The following EPHB1 variants were observed in gnomAD, a reference collection of about 807,000 sequenced individuals.
EPHB1 encodes EPH receptor B1.
A neutral mutation model predicts 94.4 loss-of-function variants in EPHB1; 30 were observed. That is an observed-to-expected ratio of 0.32 (90% confidence interval 0.24 to 0.43). The LOEUF (loss-of-function observed/expected upper bound fraction) is 0.43. EPHB1 is among the 20% of genes least tolerant of loss of function. EPHB1 has a pLI of 1.00. For synonymous variants in EPHB1, 522 were observed against 489.1 expected, an observed-to-expected ratio of 1.07 and a Z score of -0.89; for missense variants, 1,055 against 1,308.3, an observed-to-expected ratio of 0.81 and a Z score of 2.99.
intron 3 of EPHB1, among the ~76,000 whole-genome samples, chr3:135,090,727 G>C (rs1054312673): frequency 5.3e-5 from 8 of 152,228 alleles, no homozygotes; most frequent in African/African-American, 1.9e-4. Context: ...CAAGGACAGG[G>C]CAGTGTAGGG....
chr3:135,177,891 C>G (rs1352105728), intron 9 of EPHB1, among the ~76,000 whole-genome samples: 1 of 152,156 alleles, frequency 6.6e-6, no homozygotes, highest in Non-Finnish European at 1.5e-5. Context: ...TTCTCTTTGT[C>G]CACTGTTATT....
intron 3 of EPHB1, among the ~76,000 whole-genome samples, chr3:134,984,330 T>C (rs907906807): frequency 3.3e-5 from 5 of 152,048 alleles, no homozygotes; most frequent in African/African-American, 4.8e-5. Flanking sequence ...CCACCACCCA[T>C]GTGAACAGTG....
intron 15 of EPHB1, among the ~76,000 whole-genome samples, chr3:135,252,473 T>C (rs1296673664): frequency 6.7e-6 from 1 of 148,790 alleles, no homozygotes; most frequent in Admixed American, 6.7e-5. Flanking sequence ...GTGTTTGGTT[T>C]TTTGTTCTCC....
At chr3:135,207,423 A>G (rs925348400) in intron 12 of EPHB1, among the ~76,000 whole-genome samples, 6 of 97,560 alleles carry the variant, frequency 6.2e-5, no homozygotes, top group African/African-American at 1.5e-4. Flanking sequence ...AGTATCTACT[A>G]TGTGTCAACA....
At chr3:134,970,548 C>T (rs1413041593) in intron 3 of EPHB1, among the ~76,000 whole-genome samples, 1 of 152,146 alleles carries the variant, frequency 6.6e-6, no homozygotes, top group African/African-American at 2.4e-5. Flanking sequence ...TCTGTCTCTC[C>T]TCACTAGTAT....
intron 12 of EPHB1, among the ~76,000 whole-genome samples, chr3:135,211,316 G>A (rs1292275178): frequency 2.0e-5 from 3 of 152,146 alleles, no homozygotes; most frequent in Non-Finnish European, 4.4e-5. Flanking sequence ...GCTTTAAACA[G>A]CCATGTGTAT....
intron 15 of EPHB1, among the ~76,000 whole-genome samples, chr3:135,257,688 C>G (rs530098490): frequency 7.5e-5 from 11 of 146,406 alleles, no homozygotes; most frequent in African/African-American, 2.8e-4. Flanking sequence ...TGTGCCCTGC[C>G]CCCAGAGGTG....
At chr3:135,101,796 T>A (rs571907435) in intron 3 of EPHB1, among the ~76,000 whole-genome samples, 4 of 152,316 alleles carry the variant, frequency 2.6e-5, no homozygotes, top group East Asian at 3.9e-4. Flanking sequence ...GAATACTACT[T>A]CTTTTATAAA....
chr3:135,008,211 G>A (rs1056416980), intron 3 of EPHB1, among the ~76,000 whole-genome samples: 1 of 152,220 alleles, frequency 6.6e-6, no homozygotes, highest in African/African-American at 2.4e-5. Flanking sequence ...CAGACACGTA[G>A]ATAGAATTAA....
At chr3:135,124,521 G>C (rs988512378) in intron 4 of EPHB1, among the ~76,000 whole-genome samples, 14 of 151,740 alleles carry the variant, frequency 9.2e-5, no homozygotes, top group African/African-American at 3.2e-4. Flanking sequence ...GACTGGCACT[G>C]TTCTAAACCT....
intron 5 of EPHB1, among the ~76,000 whole-genome samples, chr3:135,150,574 C>T (rs1185061125): frequency 2.6e-5 from 4 of 152,198 alleles, no homozygotes; most frequent in East Asian, 1.9e-4. Context: ...CAGCATTTAA[C>T]GTATTCTGTC....
chr3:134,948,365 T>C (rs964733849), intron 2 of EPHB1, among the ~76,000 whole-genome samples: 55 of 151,328 alleles, frequency 3.6e-4, no homozygotes, highest in Non-Finnish European at 7.1e-4. Flanking sequence ...TCAAGTCATG[T>C]AGGGTCAACT....
intron 3 of EPHB1, among the ~76,000 whole-genome samples, chr3:135,069,262 AAAAAC>A (rs1327938024): frequency 2.0e-5 from 3 of 152,014 alleles, no homozygotes; most frequent in African/African-American, 4.8e-5. Flanking sequence ...CAATTCAATT[AAAAAC>A]AAAACAAAAC....
intron 3 of EPHB1, among the ~76,000 whole-genome samples, chr3:135,083,640 G>C (rs1465489958): frequency 2.0e-5 from 3 of 152,030 alleles, no homozygotes; most frequent in Non-Finnish European, 4.4e-5. Flanking sequence ...GTCACCAGGA[G>C]CACCTTCTCC....
At chr3:134,933,412 G>A (rs1277725000) in intron 2 of EPHB1, among the ~76,000 whole-genome samples, 2 of 152,046 alleles carry the variant, frequency 1.3e-5, no homozygotes, top group Non-Finnish European at 2.9e-5. Context: ...CATCCCCTGG[G>A]GAGGAAATTG....
At chr3:134,979,645 T>C (rs1157753480) in intron 3 of EPHB1, among the ~76,000 whole-genome samples, 7 of 152,188 alleles carry the variant, frequency 4.6e-5, no homozygotes, top group African/African-American at 1.7e-4. Flanking sequence ...TTTATAATGG[T>C]GCAAAAGTAA....
chr3:134,894,282 G>C (rs989829979), intron 1 of EPHB1, among the ~76,000 whole-genome samples: 37 of 152,172 alleles, frequency 2.4e-4, no homozygotes, highest in African/African-American at 8.4e-4. Context: ...GTTCAGCATG[G>C]TGTGGCTTGT....
chr3:135,123,270 T>A (rs1031898867), intron 4 of EPHB1, among the ~76,000 whole-genome samples: 27 of 152,324 alleles, frequency 1.8e-4, no homozygotes, highest in Admixed American at 1.6e-3. Flanking sequence ...TCAAAGAGTG[T>A]TGGAAAGATA....
intron 1 of EPHB1, among the ~76,000 whole-genome samples, chr3:134,915,505 T>C (rs2038546526): frequency 6.6e-6 from 1 of 152,146 alleles, no homozygotes; most frequent in African/African-American, 2.4e-5. Context: ...GCCCTGATAC[T>C]GTGTCTGGAA....
Sources: gnomAD v4.1 joint callset for allele counts (sites outside exome capture counted in the v4.1 genomes callset) on GRCh38, gnomAD v4.1.1 for gene constraint, MANE v1.5 for transcripts, NCBI Gene and HGNC (gene_info 2026-07-23, HGNC 2026-07-21) for gene names.